Variants in USP30 observed in about 807,000 individuals in gnomAD.
USP30 encodes ubiquitin specific peptidase 30, also known as ubiquitin carboxyl-terminal hydrolase 30.
USP30 carries 41 observed loss-of-function variants against 68.2 expected under a neutral mutation model. The observed-to-expected ratio is 0.60, with a 90% CI of 0.47 to 0.78. The LOEUF (loss-of-function observed/expected upper bound fraction) is 0.78. USP30 is among the 30% of genes least tolerant of loss of function. The pLI is 0.00. For synonymous variants in USP30, 229 were observed against 253.7 expected (o/e 0.90, Z 0.93); for missense variants, 522 against 649.4 (o/e 0.80, Z 2.13).
Position 109,087,994 on chromosome 12 carries a change from C to T in USP30, c.*2063C>T, listed in dbSNP as rs1361801525. 2.2e-6 allele frequency: 1 copy of T among 462,386 alleles called. No individual in the cohort carries two copies. Among genetic ancestry groups the T allele is most frequent in the East Asian group, 3.6e-5 (1 of 27,992 alleles). 28.6% of individuals were successfully genotyped at this position (462,386 alleles called of 1,614,324 possible). The stretch of plus-strand genomic sequence containing the variant: ...CTTTTGTATCTGCTGTGTATTATAG[C>T]AATAAAATAATCATTTTGTTAGAAA... On this transcript the variant is annotated 3_prime_UTR_variant, in exon 13 of 13. Transcript: ENST00000257548.
intron 7 of USP30, among the ~76,000 whole-genome samples, chr12:109,075,925 A>G (rs1411604160): frequency 6.8e-6 from 1 of 147,492 alleles, no homozygotes; most frequent in Non-Finnish European, 1.5e-5. Flanking sequence ...AATTTTGGAT[A>G]TTAACCTCTT....
At chr12:109,076,856 C>G (rs1347351854) in intron 7 of USP30, among the ~76,000 whole-genome samples, 1 of 151,510 alleles carries the variant, frequency 6.6e-6, no homozygotes, top group Non-Finnish European at 1.5e-5. Context: ...CTCAGCCTCC[C>G]GAGTAGCTGG....
intron 3 of USP30, among the ~76,000 whole-genome samples, chr12:109,063,992 G>C (rs1297535135): frequency 6.6e-6 from 1 of 150,468 alleles, no homozygotes; most frequent in Admixed American, 6.7e-5. Flanking sequence ...TCCTGCCTCA[G>C]CCTCCTGAGT....
At chr12:109,045,901 T>C (rs2040600422) in intron 3 of USP30, among the ~76,000 whole-genome samples, 1 of 152,132 alleles carries the variant, frequency 6.6e-6, no homozygotes, top group Admixed American at 6.5e-5. Context: ...TAGCTATACA[T>C]GTAGACATAG....
At chr12:109,082,091 A>G in intron 9 of USP30, 72 bp downstream of exon 9, 2 of 1,497,268 alleles carry the variant, frequency 1.3e-6, no homozygotes, top group African/African-American at 1.4e-5. Flanking sequence ...CACACCAGTG[A>G]CCCTGAGCTC....
chr12:109,080,665 A>G (rs1254402152), intron 7 of USP30, among the ~76,000 whole-genome samples: 3 of 152,336 alleles, frequency 2.0e-5, no homozygotes, highest in African/African-American at 2.4e-5. Context: ...AGAACTTCCA[A>G]CTACAGTCAT....
intron 4 of USP30, among the ~76,000 whole-genome samples, chr12:109,069,780 G>C (rs918647395): frequency 2.6e-5 from 4 of 152,194 alleles, no homozygotes; most frequent in African/African-American, 9.7e-5. Flanking sequence ...GAGGAGCCAA[G>C]CTACAGGGGG....
At chr12:109,049,543 G>A (rs773104683), upstream of USP30, among the ~76,000 whole-genome samples, 10 of 152,130 alleles carry the variant, frequency 6.6e-5, 1 homozygote, top group African/African-American at 1.7e-4. Context: ...GACCAGGCAC[G>A]GTGGCTCACG....
chr12:109,063,764 T>C (rs2041154773), intron 3 of USP30, among the ~76,000 whole-genome samples: 1 of 152,222 alleles, frequency 6.6e-6, no homozygotes, highest in Non-Finnish European at 1.5e-5. Flanking sequence ...TTAATTTGCA[T>C]TTCCCTAATG....
At chr12:109,023,523 C>T (rs1280170980) in intron 1 of USP30, among the ~76,000 whole-genome samples, 1 of 151,960 alleles carries the variant, frequency 6.6e-6, no homozygotes, top group African/African-American at 2.4e-5. Flanking sequence ...CCACTGCACT[C>T]CAGCCTGGGT....
chr12:109,082,461 C>A, intron 9 of USP30: 1 of 590,812 alleles, frequency 1.7e-6, no homozygotes, highest in Non-Finnish European at 3.0e-6. Context: ...TCTTCACATT[C>A]TCTTCCCTCC....
chr12:109,065,035 C>T (rs1238997305), intron 3 of USP30, among the ~76,000 whole-genome samples: 1 of 152,040 alleles, frequency 6.6e-6, no homozygotes, highest in Non-Finnish European at 1.5e-5. Flanking sequence ...TAAGTGAAAG[C>T]AAGTTTATTA....
upstream of USP30, among the ~76,000 whole-genome samples, chr12:109,051,174 C>A (rs1948380578): frequency 6.6e-6 from 1 of 151,480 alleles, no homozygotes; most frequent in Non-Finnish European, 1.5e-5. Context: ...TAGGCATAAG[C>A]CACTGCACCT....
At chr12:109,077,860 G>A (rs551556601) in intron 7 of USP30, among the ~76,000 whole-genome samples, 5 of 151,938 alleles carry the variant, frequency 3.3e-5, no homozygotes, top group Non-Finnish European at 7.4e-5. Context: ...ATTACGTTAT[G>A]CAGTTTTACC....
chr12:109,081,623 GCACACACACACACACACACA>G (rs61164773), intron 8 of USP30: 12 of 500,534 alleles, frequency 2.4e-5, no homozygotes, highest in African/African-American at 9.9e-5. Flanking sequence ...ACGCATGCGC[GCACACACACACACACACACA>G]CACACACACA....
At chr12:109,084,191 G>T (rs1210129183) in intron 11 of USP30, among the ~76,000 whole-genome samples, 1 of 152,154 alleles carries the variant, frequency 6.6e-6, no homozygotes, top group Non-Finnish European at 1.5e-5. Flanking sequence ...TCACACCACT[G>T]TGCTCCAGCC....
At chr12:109,039,552 T>C (rs981243849) in intron 3 of USP30, among the ~76,000 whole-genome samples, 4 of 152,208 alleles carry the variant, frequency 2.6e-5, no homozygotes, top group African/African-American at 4.8e-5. Context: ...CATTTAGAAC[T>C]GATCTAGTTC....
At chr12:109,028,275 A>G (rs1250277041) in intron 3 of USP30, among the ~76,000 whole-genome samples, 2 of 152,142 alleles carry the variant, frequency 1.3e-5, no homozygotes. Flanking sequence ...GTATTGCTGT[A>G]AAGGAATACC....
intron 5 of USP30, 132 bp from the exon 6 acceptor site, chr12:109,072,173 T>G: frequency 2.7e-6 from 2 of 744,320 alleles, no homozygotes; most frequent in Non-Finnish European, 4.6e-6. Flanking sequence ...TTTAGAAACC[T>G]GAGCTTTGTT....
Sources: allele counts gnomAD v4.1 joint callset (sites outside exome capture counted in the v4.1 genomes callset), GRCh38; gene constraint gnomAD v4.1.1; transcripts MANE v1.5; gene names NCBI Gene and HGNC (gene_info 2026-07-23, HGNC 2026-07-21).